SYNE2: variants seen among roughly 807,000 people sequenced by gnomAD.
SYNE2 encodes nesprin-2.
SYNE2 carries 431 observed loss-of-function variants against 856.3 expected under a neutral mutation model. That is an observed-to-expected ratio of 0.50 (90% CI 0.47 to 0.55). The LOEUF (loss-of-function observed/expected upper bound fraction) is 0.55. Ranked by LOEUF, SYNE2 falls within the 20% of genes least tolerant of loss-of-function variation. The probability of loss-of-function intolerance (pLI) is 0.00; values close to 1 mark genes in which losing one functional copy is unlikely to be tolerated. For synonymous variants in SYNE2, 2,923 were observed against 2,872.3 expected (o/e 1.02, Z -0.56); for missense variants, 8,129 against 8,023.2 (o/e 1.01, Z -0.50).
At chr14:63,972,750 G>A (rs537385420) in intron 11 of SYNE2, among the ~76,000 whole-genome samples, 1 of 152,258 alleles carries the variant, frequency 6.6e-6, no homozygotes, top group South Asian at 2.1e-4. Context: ...TATAAATATT[G>A]AGTGTAGCCC....
intron 97 of SYNE2, among the ~76,000 whole-genome samples, chr14:64,187,657 G>C (rs1294768955): frequency 1.3e-5 from 2 of 152,118 alleles, no homozygotes; most frequent in Non-Finnish European, 2.9e-5. Context: ...AAGAGCAGAG[G>C]TTTCTTTATA....
At position 64,052,193 on chromosome 14, in the gene SYNE2, C is replaced by T; in HGVS notation, c.8280C>T (p.Asp2760=). The T allele has an allele frequency of 6.2e-7, 1 of 1,614,188 alleles. No individual in the cohort carries two copies. The change falls in exon 48 of 116, where the codon GAC becomes GAT. Residue 2760 remains aspartate, a synonymous_variant. Coordinates refer to ENST00000555002, the MANE Select transcript of SYNE2 (RefSeq NM_182914.3). ...CCTCCATTCCCCTTCTCCCAGATGACATTCTTTCACAGATCAGAAAGTGCA... is the reference window on the plus strand; with the variant it reads ...CCTCCATTCCCCTTCTCCCAGATGATATTCTTTCACAGATCAGAAAGTGCA... ...LNPSIPLLPD[D]ILSQIRKCKV... is the part of the protein sequence containing the mutation.
chr14:63,922,364 C>T (rs1248242107), intron 2 of SYNE2, among the ~76,000 whole-genome samples: 2 of 152,182 alleles, frequency 1.3e-5, no homozygotes, highest in South Asian at 2.1e-4. Flanking sequence ...GAAGTTTTCT[C>T]GTTTATAAAA....
chr14:64,129,637 G>A, intron 74 of SYNE2, 145 bp from the exon 75 acceptor site: 2 of 1,146,534 alleles, frequency 1.7e-6, no homozygotes, highest in Non-Finnish European at 2.5e-6. Flanking sequence ...AGATTGTTAA[G>A]GAGAGCAGGA....
At chr14:63,948,782 G>GTATATA (rs3062027) in intron 6 of SYNE2, among the ~76,000 whole-genome samples, 609 of 43,766 alleles carry the variant, frequency 0.014, 15 homozygotes, top group Non-Finnish European at 0.019. Context: ...ATGTGTGTGT[G>GTATATA]TATATATATA....
chr14:64,152,236 A>G (rs553113038), intron 84 of SYNE2, among the ~76,000 whole-genome samples: 2 of 152,292 alleles, frequency 1.3e-5, no homozygotes, highest in East Asian at 3.9e-4. Context: ...TCCAAATGAG[A>G]AAATGGAGAC....
intron 2 of SYNE2, 84 bp from the exon 3 acceptor site, chr14:63,940,530 G>A (rs781733503): frequency 1.7e-5 from 22 of 1,257,674 alleles, no homozygotes; most frequent in East Asian, 1.2e-4. Flanking sequence ...CACACCTAGC[G>A]TGACAGACCT....
intron 45 of SYNE2, among the ~76,000 whole-genome samples, chr14:64,037,614 G>A (rs2097102736): frequency 6.6e-6 from 1 of 151,396 alleles, no homozygotes; most frequent in African/African-American, 2.4e-5. Flanking sequence ...AACCGCCATT[G>A]TCATCATGGC....
At chr14:63,990,349 G>A in intron 19 of SYNE2, 62 bp from the exon 20 acceptor site, 3 of 1,533,178 alleles carry the variant, frequency 2.0e-6, no homozygotes, top group Non-Finnish European at 2.7e-6. Flanking sequence ...AGATTGTTTT[G>A]ATTAATGTTT....
chr14:63,912,145 T>C (rs1168461168), intron 2 of SYNE2, among the ~76,000 whole-genome samples: 3 of 152,156 alleles, frequency 2.0e-5, no homozygotes, highest in African/African-American at 4.8e-5. Flanking sequence ...CCCATACCTA[T>C]AAGATGAAGG....
intron 1 of SYNE2, among the ~76,000 whole-genome samples, chr14:63,802,168 A>G (rs796689056): frequency 2.5e-4 from 11 of 43,530 alleles, no homozygotes; most frequent in Admixed American, 1.5e-3. Context: ...ATGCAGTGGC[A>G]TAATCTTGGC....
intron 1 of SYNE2, among the ~76,000 whole-genome samples, chr14:63,876,578 C>G (rs555955337): frequency 6.6e-6 from 1 of 151,864 alleles, no homozygotes; most frequent in South Asian, 2.1e-4. Flanking sequence ...AGCTCCGCCT[C>G]CCAGGTTCAT....
At position 64,000,673 on chromosome 14, in the gene SYNE2, A is replaced by C; in HGVS notation, c.3592A>C (p.Thr1198Pro). ...KKPFVIKERD[T>P]LKERERELQM... is the part of the protein sequence containing the mutation. ...GCCTTTTGTAATTAAGGAAAGAGAC[A>C]CACTAAAGGAAAGAGAAAGAGAGCT... Residue 1198 changes from threonine to proline, a missense_variant, in exon 28 of 116, where the codon ACA (threonine) becomes CCA (proline). Physicochemically the swap from Thr to Pro is conservative, Grantham distance 38. Transcript: ENST00000555002. 6.2e-7 allele frequency: 1 copy of C among 1,613,548 alleles called. No homozygotes were observed. Among genetic ancestry groups the C allele is most frequent in the Non-Finnish European group, 8.5e-7 (1 of 1,179,742 alleles).
intron 28 of SYNE2, 120 bp downstream of exon 28, chr14:64,000,839 GT>G (rs1292770820): frequency 7.3e-5 from 64 of 878,930 alleles, no homozygotes; most frequent in Admixed American, 9.9e-5. Context: ...CACAACAACA[GT>G]AAGAGAGGCT....
chr14:63,865,628 C>T (rs375005979), intron 1 of SYNE2, among the ~76,000 whole-genome samples: 44 of 149,744 alleles, frequency 2.9e-4, no homozygotes, highest in African/African-American at 8.8e-4. Context: ...AGGAGAATCA[C>T]GTGAACCCAG....
intron 1 of SYNE2, among the ~76,000 whole-genome samples, chr14:63,793,769 C>G (rs528247779): frequency 8.6e-5 from 12 of 140,306 alleles, no homozygotes; most frequent in South Asian, 5.0e-4. Flanking sequence ...AGGCCCCCCC[C>G]CAACTAAAAA....
intron 2 of SYNE2, among the ~76,000 whole-genome samples, chr14:63,938,795 C>A (rs2095863181): frequency 6.6e-6 from 1 of 152,116 alleles, no homozygotes; most frequent in African/African-American, 2.4e-5. Context: ...GCTGATGGCA[C>A]ACCACGGGTT....
chr14:64,210,211 G>A, intron 103 of SYNE2, 87 bp downstream of exon 103: 1 of 1,483,726 alleles, frequency 6.7e-7, no homozygotes, highest in Non-Finnish European at 9.1e-7. Context: ...GCACAAAGCA[G>A]CAGGTAGAAG....
At chr14:64,161,604 C>T (rs930648104) in intron 87 of SYNE2, among the ~76,000 whole-genome samples, 5 of 151,704 alleles carry the variant, frequency 3.3e-5, no homozygotes, top group African/African-American at 9.7e-5. Context: ...CATTCATAGG[C>T]GGGGCGCACC....
Sources: gnomAD v4.1 joint callset for allele counts (sites outside exome capture counted in the v4.1 genomes callset) on GRCh38, gnomAD v4.1.1 for gene constraint, MANE v1.5 for transcripts, NCBI Gene and HGNC (gene_info 2026-07-23, HGNC 2026-07-21) for gene names.